Variants in MROH9 observed in about 807,000 individuals in gnomAD.
The protein encoded by MROH9 is maestro heat like repeat family member 9.
A neutral mutation model predicts 98.2 loss-of-function variants in MROH9; 92 were observed. The observed-to-expected ratio is 0.94, with a 90% CI of 0.79 to 1.11. MROH9 has a LOEUF of 1.11. MROH9 is among the 50% of genes most tolerant of loss of function. The probability of loss-of-function intolerance (pLI) is 0.00; values close to 1 mark genes in which losing one functional copy is unlikely to be tolerated. For synonymous variants in MROH9, 397 were observed against 368.9 expected (o/e 1.08, Z -0.87); for missense variants, 1,057 against 1,014.8 (o/e 1.04, Z -0.57).
intron 20 of MROH9, among the ~76,000 whole-genome samples, chr1:171,052,742 G>A (rs1257922249): frequency 6.6e-6 from 1 of 152,134 alleles, no homozygotes; most frequent in Non-Finnish European, 1.5e-5. Flanking sequence ...AATGTGCCCT[G>A]GGCATGGAGC....
intron 3 of MROH9, among the ~76,000 whole-genome samples, chr1:170,954,301 A>G (rs1649677251): frequency 6.6e-6 from 1 of 152,034 alleles, no homozygotes; most frequent in Admixed American, 6.6e-5. Flanking sequence ...TATTAGCTAC[A>G]TATTGAATTG....
chr1:171,026,612 T>C (rs1181409536), intron 20 of MROH9, among the ~76,000 whole-genome samples: 4 of 152,298 alleles, frequency 2.6e-5, no homozygotes, highest in African/African-American at 9.6e-5. Flanking sequence ...ATCCCTGCTA[T>C]CCTGAATTCT....
rs868233932 is a variant in MROH9, at chr1:171,013,886, C to T, written c.1597-231C>T. On this transcript the variant is annotated intron_variant, in intron 15 of 21. Coordinates refer to ENST00000367759, the MANE Select transcript of MROH9 (RefSeq NM_001163629.2). ...AATGTAAAATACATACACACACACA[C>T]ACACACACACACACACACACACACA... 1.0e-3 allele frequency among the ~76,000 whole-genome samples: 153 copies of T among 146,754 alleles called. 3 individuals are homozygous for T. The highest frequency in any genetic ancestry group is 4.0e-3 in the African/African-American group (150 of 37,082).
chr1:170,992,507 A>G (rs563521680), intron 12 of MROH9, among the ~76,000 whole-genome samples, 178 bp downstream of exon 12: 1 of 152,308 alleles, frequency 6.6e-6, no homozygotes, highest in African/African-American at 2.4e-5. Context: ...TGGAGCTTAC[A>G]TTTTGGTAAG....
In MROH9 at chr1:170,983,634, CGTTT is replaced by C. The variant is rs1040069428; in HGVS notation, c.729+101_729+104del. The C allele has an allele frequency of 9.6e-6, 7 of 726,130 alleles. No individual in the cohort carries two copies. In the African/African-American group the frequency reaches 1.1e-4, roughly 11 times the overall value. The allele number at this position is 726,130 out of a possible 1,614,324, so 45.0% of individuals were successfully genotyped here. On this transcript the variant is annotated intron_variant, in intron 9 of 21. Transcript: ENST00000367759. ...AAAGTTTATGTCGTTAGTATTTTTT[CGTTT>C]TTTTTTAAACTCAGTGTGATAAAAT...
chr1:171,029,569 G>A (rs1172596991), intron 20 of MROH9, among the ~76,000 whole-genome samples: 1 of 152,082 alleles, frequency 6.6e-6, no homozygotes, highest in East Asian at 1.9e-4. Flanking sequence ...TTTTGTCTTT[G>A]GTTCTGTTTA....
At chr1:170,942,398 CA>C (rs1303262066) in intron 1 of MROH9, among the ~76,000 whole-genome samples, 17 of 151,482 alleles carry the variant, frequency 1.1e-4, no homozygotes, top group Non-Finnish European at 2.4e-4. Flanking sequence ...CACACACACA[CA>C]CACACACACA....
At chr1:170,945,253 A>C (rs1649279160) in intron 1 of MROH9, among the ~76,000 whole-genome samples, 1 of 152,094 alleles carries the variant, frequency 6.6e-6, no homozygotes, top group East Asian at 1.9e-4. Context: ...GCCTCAAATG[A>C]GATAGCACTC....
intron 20 of MROH9, among the ~76,000 whole-genome samples, chr1:171,061,272 G>T (rs1654006218): frequency 6.6e-6 from 1 of 152,170 alleles, no homozygotes; most frequent in East Asian, 1.9e-4. Context: ...CTGTTTGTGG[G>T]AGTGAAAATT....
intron 14 of MROH9, 78 bp from the exon 15 acceptor site, chr1:170,998,076 G>C (rs945093517): frequency 1.8e-6 from 2 of 1,102,500 alleles, no homozygotes; most frequent in Non-Finnish European, 2.6e-6. Context: ...CAAGATATTA[G>C]AATAATGATT....
chr1:170,973,114 C>T (rs945075229), intron 8 of MROH9, among the ~76,000 whole-genome samples: 10 of 151,314 alleles, frequency 6.6e-5, no homozygotes, highest in African/African-American at 2.2e-4. Flanking sequence ...CATGCACACG[C>T]ATACACACAC....
chr1:170,952,771 T>TA (rs955178987), intron 3 of MROH9, among the ~76,000 whole-genome samples: 10 of 148,784 alleles, frequency 6.7e-5, no homozygotes, highest in Non-Finnish European at 1.3e-4. Flanking sequence ...ATATATATAT[T>TA]AAAAAAAGAA....
chr1:170,995,293 G>A (rs148079176), intron 12 of MROH9, 96 bp from the exon 13 acceptor site: 17 of 1,333,754 alleles, frequency 1.3e-5, no homozygotes, highest in Non-Finnish European at 1.8e-5. Flanking sequence ...GGCTGAAGGA[G>A]GGGTTGCAGA....
At chr1:170,947,632 T>C in intron 3 of MROH9, 59 bp downstream of exon 3, 1 of 1,428,780 alleles carries the variant, frequency 7.0e-7, no homozygotes, top group Non-Finnish European at 9.8e-7. Flanking sequence ...AAAATAACTT[T>C]TTACTGTTTC....
chr1:171,010,007 G>A (rs1191330703), intron 15 of MROH9, among the ~76,000 whole-genome samples: 3 of 151,992 alleles, frequency 2.0e-5, no homozygotes, highest in Non-Finnish European at 4.4e-5. Context: ...GTGCAGTTTT[G>A]TTACATAGGT....
intron 5 of MROH9, among the ~76,000 whole-genome samples, chr1:170,961,190 G>C (rs1409652227): frequency 6.6e-6 from 1 of 152,098 alleles, no homozygotes; most frequent in Non-Finnish European, 1.5e-5. Context: ...ATATATTCAT[G>C]TTATTACATT....
At chr1:170,969,843 A>G (rs1262435180) in intron 7 of MROH9, among the ~76,000 whole-genome samples, 1 of 152,170 alleles carries the variant, frequency 6.6e-6, no homozygotes, top group African/African-American at 2.4e-5. Flanking sequence ...CTATAAAGGC[A>G]GGATATATCA....
Position 171,024,442 on chromosome 1 carries a change from A to G in MROH9, c.1956A>G (p.Leu652=), listed in dbSNP as rs779148288. The G allele has an allele frequency of 1.6e-5, 25 of 1,551,306 alleles. No homozygotes were observed. Among genetic ancestry groups the G allele is most frequent in the Admixed American group, 1.2e-4 (6 of 50,962 alleles). Residue 652 remains leucine (L), a synonymous_variant, in exon 18 of 22, where the codon TTA becomes TTG. Coordinates refer to ENST00000367759, the MANE Select transcript of MROH9 (RefSeq NM_001163629.2). ...TGGCAATTCGACACTTTGGTCAATT[A>G]GTTAGGGATATGAGACAGTACACAT... ...RSMAIRHFGQ[L]VRDMRQYTWM...
intron 17 of MROH9, among the ~76,000 whole-genome samples, chr1:171,020,688 C>G (rs957562427): frequency 1.3e-5 from 2 of 152,132 alleles, no homozygotes; most frequent in African/African-American, 4.8e-5. Context: ...GAAGCATTCC[C>G]TTTGAAAACC....
Sources: allele counts gnomAD v4.1 joint callset (sites outside exome capture counted in the v4.1 genomes callset), GRCh38; gene constraint gnomAD v4.1.1; transcripts MANE v1.5; gene names NCBI Gene and HGNC (gene_info 2026-07-23, HGNC 2026-07-21).